MYLK4: variants seen among roughly 807,000 people sequenced by gnomAD.
The protein encoded by MYLK4 is myosin light chain kinase family member 4, also known as caMLCK like.
MYLK4 carries 46 observed loss-of-function variants against 48.1 expected under a neutral mutation model. That is an observed-to-expected ratio of 0.96 (90% CI 0.75 to 1.22). MYLK4 has a LOEUF of 1.22. Among genes scored for constraint, MYLK4 ranks in the 50% most tolerant of loss-of-function variants. The pLI is 0.00. For synonymous variants in MYLK4, 170 were observed against 180.8 expected (o/e 0.94, Z 0.48); for missense variants, 451 against 486.1 (o/e 0.93, Z 0.68).
Position 2,669,445 on chromosome 6 carries a change from C to G in MYLK4, c.*26-1546G>C, listed in dbSNP as rs116034027. 8.1e-3 allele frequency among the ~76,000 whole-genome samples: 1,234 copies of G among 152,322 alleles called. 19 individuals are homozygous for G. Among genetic ancestry groups the G allele is most frequent in the African/African-American group, 0.028 (1,162 of 41,566 alleles). ...CCTCCTCATTCCTCCCCCACCAGAC[C>G]CTGGCAGCAGGCCCGCCTTGGAATG... On this transcript the variant is annotated intron_variant, in intron 12 of 12. Coordinates refer to ENST00000274643, the MANE Select transcript of MYLK4 (RefSeq NM_001012418.5).
intron 2 of MYLK4, among the ~76,000 whole-genome samples, chr6:2,709,469 T>G (rs1351052871): frequency 3.3e-5 from 5 of 152,160 alleles, no homozygotes; most frequent in African/African-American, 1.2e-4. Flanking sequence ...CCACTGGGCA[T>G]AGCTCACAAA....
At chr6:2,716,683 T>G (rs1174584533) in intron 2 of MYLK4, among the ~76,000 whole-genome samples, 1 of 152,216 alleles carries the variant, frequency 6.6e-6, no homozygotes, top group Non-Finnish European at 1.5e-5. Context: ...GTGTGTACTG[T>G]AATTGGTCAA....
At chr6:2,686,610 C>T (rs9328115) in intron 4 of MYLK4, among the ~76,000 whole-genome samples, 57,964 of 152,060 alleles carry the variant, frequency 0.38, 11,690 homozygotes, top group African/African-American at 0.52. Context: ...ACAGTGAACC[C>T]GAGGCAAGCC....
At position 2,687,339 on chromosome 6, in the gene MYLK4, G is replaced by A. The variant is rs576304231; in HGVS notation, c.341+1512C>T. On this transcript the variant is annotated intron_variant, in intron 4 of 12. Transcript: ENST00000274643. ...CTCACTTATTTGCTGAGTGAATTAC[G>A]GCTGCCAATTTTGGTGAAGCCCATA... is the stretch of plus-strand genomic sequence containing the variant. Among the ~76,000 whole-genome samples the A allele has an allele frequency of 3.3e-5, 5 of 152,288 alleles. No homozygotes were observed. The South Asian group carries it at 8.3e-4, about 25-fold the overall frequency.
chr6:2,715,869 C>G (rs1175228074), intron 2 of MYLK4, among the ~76,000 whole-genome samples: 1 of 152,200 alleles, frequency 6.6e-6, no homozygotes, highest in African/African-American at 2.4e-5. Context: ...GTGTGAAACT[C>G]CAGGCCCTTG....
intron 2 of MYLK4, among the ~76,000 whole-genome samples, chr6:2,719,702 A>C (rs1275278056): frequency 6.6e-6 from 1 of 152,272 alleles, no homozygotes; most frequent in Non-Finnish European, 1.5e-5. Context: ...CATTAAAAAA[A>C]AAGTATGAAA....
chr6:2,667,403 C>T lies in MYLK4; in HGVS notation c.*522G>A, dbSNP rs1383568667. The T allele has an allele frequency of 6.6e-6, 1 of 152,156 alleles. No individual in the cohort carries two copies. Among genetic ancestry groups the T allele is most frequent in the Non-Finnish European group, 1.5e-5 (1 of 68,026 alleles). 9.4% of individuals were successfully genotyped at this position (152,156 alleles called of 1,614,324 possible). A position where few individuals can be genotyped will look rare whatever the true frequency, so the allele number is the denominator to read the frequency against. On this transcript the variant is annotated 3_prime_UTR_variant, in exon 13 of 13. Transcript: ENST00000274643. ...GTGACCACAGACCAAATCAAAATGA[C>T]AGAGTCTGTGAAACTAAGTCTCCAA...
chr6:2,766,530 C>G, the MYLK4 span: 4 of 1,409,570 alleles, frequency 2.8e-6, no homozygotes, highest in Non-Finnish European at 3.7e-6. Context: ...GTGCTGCCCT[C>G]GAAAGAAGCC....
chr6:2,765,562 G>C, the MYLK4 span: 1 of 1,392,508 alleles, frequency 7.2e-7, no homozygotes, highest in Non-Finnish European at 9.3e-7. Flanking sequence ...GGCATCGAAG[G>C]CCTCCGCGTG....
At chr6:2,711,077 G>T (rs1736553443) in intron 2 of MYLK4, among the ~76,000 whole-genome samples, 1 of 152,230 alleles carries the variant, frequency 6.6e-6, no homozygotes, top group Admixed American at 6.5e-5. Flanking sequence ...ACCACACACA[G>T]CTGTGTACAT....
At chr6:2,729,496 T>C (rs1439079512) in intron 2 of MYLK4, among the ~76,000 whole-genome samples, 1 of 152,212 alleles carries the variant, frequency 6.6e-6, no homozygotes, top group Non-Finnish European at 1.5e-5. Flanking sequence ...CTAAACACGA[T>C]CCACCATTAT....
chr6:2,688,594 C>T (rs1362559175), intron 4 of MYLK4, among the ~76,000 whole-genome samples: 7 of 152,170 alleles, frequency 4.6e-5, no homozygotes, highest in African/African-American at 9.7e-5. Flanking sequence ...AGCTGGTCAA[C>T]CTTCTGGTGA....
chr6:2,751,864 A>G (rs1161102382), upstream of MYLK4, among the ~76,000 whole-genome samples: 1 of 152,218 alleles, frequency 6.6e-6, no homozygotes, highest in African/African-American at 2.4e-5. Flanking sequence ...AACGCTTGTT[A>G]TTTTTCAGAT....
the MYLK4 span, among the ~76,000 whole-genome samples, chr6:2,763,418 C>A: frequency 8.5e-5 from 13 of 152,328 alleles, no homozygotes; most frequent in Admixed American, 7.2e-4. Flanking sequence ...TTGGGCCGCG[C>A]AGGAGTCCCC....
intron 7 of MYLK4, among the ~76,000 whole-genome samples, chr6:2,681,823 T>G (rs1326474904): frequency 1.3e-5 from 2 of 152,206 alleles, no homozygotes; most frequent in African/African-American, 4.8e-5. Flanking sequence ...TTATGAAGCC[T>G]CATATGGAGT....
the MYLK4 span, among the ~76,000 whole-genome samples, chr6:2,762,211 CTT>C: frequency 6.6e-6 from 1 of 152,158 alleles, no homozygotes; most frequent in Non-Finnish European, 1.5e-5. Context: ...TTCTATCTCT[CTT>C]AATTTTTACT....
chr6:2,674,785 C>T (rs1033474890), intron 11 of MYLK4, among the ~76,000 whole-genome samples: 3 of 152,150 alleles, frequency 2.0e-5, no homozygotes, highest in African/African-American at 7.2e-5. Flanking sequence ...GCAGGAGAAT[C>T]GCTTGAACCA....
Position 2,688,255 on chromosome 6 carries a change from C to CT in MYLK4, c.341+595_341+596insA, listed in dbSNP as rs1285554047. Among the ~76,000 whole-genome samples the CT allele has an allele frequency of 9.9e-5, 15 of 152,214 alleles. No homozygotes were observed. In the South Asian group the frequency reaches 3.1e-3, roughly 32 times the overall value. ...TGTATTTTTAATAGAGACGGGGTTT[C>CT]ACCATGTTGGCCAGGATGGTCTCGA... On this transcript the variant is annotated intron_variant, in intron 4 of 12. Coordinates refer to ENST00000274643, the MANE Select transcript of MYLK4 (RefSeq NM_001012418.5).
At chr6:2,698,318 C>G (rs1200115930) in intron 2 of MYLK4, among the ~76,000 whole-genome samples, 1 of 152,190 alleles carries the variant, frequency 6.6e-6, no homozygotes, top group Non-Finnish European at 1.5e-5. Flanking sequence ...CTTTTCAAAC[C>G]TCCTCAGCTC....
Sources: gnomAD v4.1 joint callset for allele counts (sites outside exome capture counted in the v4.1 genomes callset) on GRCh38, gnomAD v4.1.1 for gene constraint, MANE v1.5 for transcripts, NCBI Gene and HGNC (gene_info 2026-07-23, HGNC 2026-07-21) for gene names.